Variants in DCC observed in about 807,000 individuals in gnomAD.
DCC encodes DCC netrin 1 receptor.
A neutral mutation model predicts 172.5 loss-of-function variants in DCC; 58 were observed. The ratio of observed to expected loss-of-function variants is 0.34; its 90% CI spans 0.27 to 0.42. The LOEUF is 0.42. Among genes scored for constraint, DCC ranks in the 10% least tolerant of loss-of-function variants. DCC has a pLI of 1.00. For missense variants in DCC, 1,740 were observed against 1,791.0 expected (o/e 0.97, Z 0.51); for synonymous variants, 709 against 644.5 (o/e 1.10, Z -1.52).
chr18:52,936,300 G>A lies in DCC; in HGVS notation c.985+10930G>A, dbSNP rs368107822. Among the ~76,000 whole-genome samples, 21 of 78,340 alleles carry A rather than the reference G, an allele frequency of 2.7e-4. 4 individuals carry two copies. In the East Asian group the frequency reaches 5.4e-3, roughly 20 times the overall value. The allele number at this position is 78,340 out of a possible 152,430, so 51.4% of individuals were successfully genotyped here. ...TATATGAATTAGAAGAAGAGACAATGTAAGTTCAGACTGTTTGTTGGTAGC... is the reference window on the plus strand; with the variant it reads ...TATATGAATTAGAAGAAGAGACAATATAAGTTCAGACTGTTTGTTGGTAGC... On this transcript the variant is annotated intron_variant, in intron 5 of 28. Coordinates refer to ENST00000442544, the MANE Select transcript of DCC (RefSeq NM_005215.4).
chr18:52,722,865 T>G (rs2036495178), intron 1 of DCC, among the ~76,000 whole-genome samples: 1 of 152,060 alleles, frequency 6.6e-6, no homozygotes, highest in South Asian at 2.1e-4. Flanking sequence ...TTTGGTGGGT[T>G]ATATTTTTCA....
chr18:53,467,541 C>G (rs1486637176), intron 24 of DCC, among the ~76,000 whole-genome samples: 1 of 151,956 alleles, frequency 6.6e-6, no homozygotes, highest in Non-Finnish European at 1.5e-5. Flanking sequence ...TATGTATTAA[C>G]AGAGAAAGAT....
At chr18:52,959,850 G>T (rs548774146) in intron 5 of DCC, among the ~76,000 whole-genome samples, 2 of 152,102 alleles carry the variant, frequency 1.3e-5, no homozygotes, top group Non-Finnish European at 2.9e-5. Context: ...TATGTTTTCA[G>T]AGTCTGCTGG....
intron 5 of DCC, among the ~76,000 whole-genome samples, chr18:53,003,923 G>A (rs1212589653): frequency 1.3e-5 from 2 of 152,022 alleles, no homozygotes; most frequent in East Asian, 1.9e-4. Context: ...GGTGTATCAG[G>A]CTTTTAATTT....
intron 5 of DCC, among the ~76,000 whole-genome samples, chr18:52,987,236 C>A (rs1395279418): frequency 6.6e-6 from 1 of 152,154 alleles, no homozygotes; most frequent in Admixed American, 6.5e-5. Context: ...TTTCACCAGA[C>A]AAGGAGCTCT....
At chr18:53,263,284 C>T (rs543950265) in intron 12 of DCC, among the ~76,000 whole-genome samples, 33 of 151,874 alleles carry the variant, frequency 2.2e-4, no homozygotes, top group African/African-American at 5.6e-4. Context: ...CCGGAGTAGC[C>T]GGGATTACAG....
intron 27 of DCC, among the ~76,000 whole-genome samples, chr18:53,502,146 C>T (rs1460826044): frequency 1.3e-5 from 2 of 152,138 alleles, no homozygotes; most frequent in Non-Finnish European, 2.9e-5. Flanking sequence ...CTATTTCTCT[C>T]AAGCCATCTC....
intron 1 of DCC, among the ~76,000 whole-genome samples, chr18:52,465,855 C>T (rs1345822713): frequency 6.6e-6 from 1 of 152,116 alleles, no homozygotes; most frequent in South Asian, 2.1e-4. Context: ...ATTTGTATAG[C>T]TCTTCCTGGC....
chr18:53,520,720 G>A (rs1199183821), intron 27 of DCC, among the ~76,000 whole-genome samples: 1 of 151,958 alleles, frequency 6.6e-6, no homozygotes, highest in Non-Finnish European at 1.5e-5. Context: ...CCAGGAACAT[G>A]GTGTCTGCCT....
At chr18:52,771,871 G>GGA (rs1555659196) in intron 2 of DCC, among the ~76,000 whole-genome samples, 2 of 131,006 alleles carry the variant, frequency 1.5e-5, no homozygotes, top group East Asian at 2.1e-4. Context: ...AGAAACTTGT[G>GGA]AAAAAAAAAA....
At chr18:52,395,966 C>T (rs192989132) in intron 1 of DCC, among the ~76,000 whole-genome samples, 42 of 152,086 alleles carry the variant, frequency 2.8e-4, no homozygotes, top group Non-Finnish European at 4.4e-4. Context: ...TCAGGATATA[C>T]CTTTAGATAG....
intron 1 of DCC, among the ~76,000 whole-genome samples, chr18:52,596,359 G>A (rs566797582): frequency 6.6e-6 from 1 of 152,262 alleles, no homozygotes; most frequent in South Asian, 2.1e-4. Flanking sequence ...ACTCACTGGT[G>A]AGTTCAACAG....
At chr18:52,601,275 A>C (rs1420511242) in intron 1 of DCC, among the ~76,000 whole-genome samples, 1 of 151,912 alleles carries the variant, frequency 6.6e-6, no homozygotes, top group East Asian at 1.9e-4. Flanking sequence ...TTTATTATCT[A>C]GTTTGTGATC....
chr18:52,938,853 T>C (rs959578803), intron 5 of DCC, among the ~76,000 whole-genome samples: 1 of 151,994 alleles, frequency 6.6e-6, no homozygotes, highest in African/African-American at 2.4e-5. Flanking sequence ...CATTCTGACT[T>C]CCCCCACCTT....
chr18:53,115,713 G>A (rs932718353), intron 7 of DCC, among the ~76,000 whole-genome samples: 7 of 151,462 alleles, frequency 4.6e-5, no homozygotes, highest in Admixed American at 3.3e-4. Context: ...ATCTATTTTA[G>A]GATTCTCATT....
intron 27 of DCC, among the ~76,000 whole-genome samples, chr18:53,506,722 G>A (rs1803023281): frequency 6.6e-6 from 1 of 152,082 alleles, no homozygotes; most frequent in South Asian, 2.1e-4. Context: ...GCCGGGCATG[G>A]TGTCATGTGC....
chr18:53,466,179 A>G (rs963347770), intron 24 of DCC, among the ~76,000 whole-genome samples: 1 of 152,124 alleles, frequency 6.6e-6, no homozygotes, highest in Admixed American at 6.5e-5. Flanking sequence ...CTCGGCCTCC[A>G]TAACAGGTGC....
intron 5 of DCC, among the ~76,000 whole-genome samples, chr18:52,973,360 A>C (rs2041061844): frequency 6.6e-6 from 1 of 152,328 alleles, no homozygotes; most frequent in East Asian, 1.9e-4. Flanking sequence ...GTAAAAGTTT[A>C]TTAAGTTGTA....
chr18:52,546,645 G>T (rs1443570621), intron 1 of DCC, among the ~76,000 whole-genome samples: 1 of 147,486 alleles, frequency 6.8e-6, no homozygotes, highest in Non-Finnish European at 1.5e-5. Flanking sequence ...TATATAGAAT[G>T]TGATCAATAA....
Sources: gnomAD v4.1 joint callset for allele counts (sites outside exome capture counted in the v4.1 genomes callset) on GRCh38, gnomAD v4.1.1 for gene constraint, MANE v1.5 for transcripts, NCBI Gene and HGNC (gene_info 2026-07-23, HGNC 2026-07-21) for gene names.